The following MRPL3 variants were observed in gnomAD, a reference collection of about 807,000 sequenced individuals.
MRPL3 encodes the protein large ribosomal subunit protein uL3m.
In MRPL3, 43 loss-of-function variants were observed where a neutral mutation model predicts 44.3. That is an observed-to-expected ratio of 0.97 (90% CI 0.76 to 1.25). The LOEUF is 1.25. Ranked by LOEUF, MRPL3 falls within the 50% of genes most tolerant of loss-of-function variation. The pLI is 0.00. For synonymous variants in MRPL3, 171 were observed against 152.3 expected, an observed-to-expected ratio of 1.12 and a Z score of -0.91; for missense variants, 406 against 427.6, an observed-to-expected ratio of 0.95 and a Z score of 0.45.
At chr3:131,479,913 T>C (rs1290744566) in intron 6 of MRPL3, among the ~76,000 whole-genome samples, 3 of 151,966 alleles carry the variant, frequency 2.0e-5, no homozygotes, top group Non-Finnish European at 4.4e-5. Context: ...GCAAAATGTC[T>C]AAATCAACAT....
chr3:131,479,291 C>A (rs1559820176), intron 6 of MRPL3: 4 of 400,686 alleles, frequency 1.0e-5, no homozygotes, highest in Non-Finnish European at 2.0e-5. Context: ...GTGACTTGTA[C>A]ATATATCACT....
At chr3:131,485,782 C>G (rs1176991543) in intron 6 of MRPL3, among the ~76,000 whole-genome samples, 1 of 152,110 alleles carries the variant, frequency 6.6e-6, no homozygotes, top group African/African-American at 2.4e-5. Flanking sequence ...TTGCAATGAC[C>G]TATATTTGAA....
At chr3:131,477,865 C>T (rs948722706) in intron 6 of MRPL3, among the ~76,000 whole-genome samples, 4 of 152,178 alleles carry the variant, frequency 2.6e-5, no homozygotes, top group Admixed American at 1.3e-4. Flanking sequence ...TACCCCTTAA[C>T]GTCCCGCTCC....
In MRPL3 at chr3:131,469,706, T is replaced by C. The variant is rs558570864; in HGVS notation, c.806A>G (p.Tyr269Cys). ...ACTTGTAACACTTACTTTCAGTCCA[T>C]ATTCTGTCCTGTATATGTTTCCCAT... ...GKMGNIYRTE[Y>C]GLKVWRINTK... Residue 269 changes from tyrosine (Y) to cysteine (C), a missense_variant, in exon 8 of 10, where the codon TAT becomes TGT. Physicochemically the swap from Tyr to Cys is radical, Grantham distance 194 (BLOSUM62 -2). Coordinates refer to ENST00000264995, the MANE Select transcript of MRPL3 (RefSeq NM_007208.4). 1.7e-5 allele frequency: 27 copies of C among 1,610,486 alleles called. No individual in the cohort carries two copies. In the East Asian group the frequency reaches 5.6e-4, roughly 33 times the overall value.
intron 9 of MRPL3, among the ~76,000 whole-genome samples, chr3:131,467,247 C>G (rs1322344094): frequency 1.3e-5 from 1 of 75,156 alleles, no homozygotes; most frequent in Non-Finnish European, 4.6e-5. Flanking sequence ...CGCGCACACA[C>G]ACACACATAC....
chr3:131,487,713 C>A lies in MRPL3; in HGVS notation c.596G>T (p.Arg199Leu). 6.2e-7 allele frequency: 1 copy of A among 1,611,042 alleles called. No individual in the cohort carries two copies. The highest frequency in any genetic ancestry group is 8.5e-7 in the Non-Finnish European group (1 of 1,179,250). Residue 199 changes from arginine to leucine, a missense_variant, in exon 6 of 10, where the codon CGT becomes CTT. Arg to Leu is a moderately radical substitution (Grantham distance 102). Transcript: ENST00000264995. Reference sequence around the variant, plus strand: ...TGTGACATCCACATACTGTCCTGGACGAAAGTGAGCAGCATAAAGAGGAGT... The same window carrying A: ...TGTGACATCCACATACTGTCCTGGAAGAAAGTGAGCAGCATAAAGAGGAGT... ...PGTPLYAAHF[R>L]PGQYVDVTAK... is the part of the protein sequence containing the mutation.
chr3:131,470,959 C>T (rs1933728853), intron 7 of MRPL3, among the ~76,000 whole-genome samples: 2 of 152,116 alleles, frequency 1.3e-5, no homozygotes, highest in Admixed American at 1.3e-4. Flanking sequence ...AGCCAAACTA[C>T]AGATGCTCAG....
intron 1 of MRPL3, 134 bp from the exon 2 acceptor site, chr3:131,501,849 T>A: frequency 6.4e-7 from 1 of 1,560,954 alleles, no homozygotes; most frequent in Non-Finnish European, 8.6e-7. Context: ...TATACCTTTT[T>A]TTCAGGTCTC....
intron 5 of MRPL3, 24 bp downstream of exon 5, chr3:131,489,957 C>G (rs1934214670): frequency 6.7e-7 from 1 of 1,482,038 alleles, no homozygotes; most frequent in Non-Finnish European, 9.4e-7. Context: ...TTTTACCTCC[C>G]TCCTCTCCCC....
chr3:131,492,142 T>C (rs1431461489), intron 4 of MRPL3, among the ~76,000 whole-genome samples: 1 of 152,156 alleles, frequency 6.6e-6, no homozygotes, highest in African/African-American at 2.4e-5. Context: ...AAATATCAAC[T>C]TACCTTGTCT....
intron 6 of MRPL3, among the ~76,000 whole-genome samples, chr3:131,474,765 ATTTTTTT>A (rs372689423): frequency 4.4e-4 from 61 of 137,882 alleles, no homozygotes; most frequent in African/African-American, 1.5e-3. Flanking sequence ...AGACTTTTTA[ATTTTTTT>A]TTTTTTTTTT....
At chr3:131,491,021 T>C (rs1306017493) in intron 4 of MRPL3, among the ~76,000 whole-genome samples, 1 of 152,230 alleles carries the variant, frequency 6.6e-6, no homozygotes, top group Non-Finnish European at 1.5e-5. Context: ...TTCATTTTTT[T>C]CCCCTTTCTA....
At chr3:131,478,708 A>ATTTTTTTTTTTTTT (rs68160977) in intron 6 of MRPL3, among the ~76,000 whole-genome samples, 1 of 135,788 alleles carries the variant, frequency 7.4e-6, no homozygotes. Flanking sequence ...GAAATATTCG[A>ATTTTTTTTTTTTTT]TTTTTTTTTT....
intron 6 of MRPL3, among the ~76,000 whole-genome samples, chr3:131,473,079 A>G (rs1370371759): frequency 1.3e-5 from 2 of 152,214 alleles, no homozygotes; most frequent in Non-Finnish European, 2.9e-5. Flanking sequence ...TTCATATGGA[A>G]CCACAAAAGA....
At chr3:131,471,068 G>A in intron 7 of MRPL3, 103 bp downstream of exon 7, 1 of 786,712 alleles carries the variant, frequency 1.3e-6, no homozygotes, top group Non-Finnish European at 2.2e-6. Context: ...GTCCCCTTGT[G>A]TCAGACTAAA....
At chr3:131,494,974 T>C (rs912566641) in intron 4 of MRPL3, among the ~76,000 whole-genome samples, 6 of 152,164 alleles carry the variant, frequency 3.9e-5, no homozygotes, top group African/African-American at 1.2e-4. Flanking sequence ...CTAAGATGAA[T>C]TGATTTAATC....
chr3:131,501,507 G>A (rs1934496209), intron 2 of MRPL3, 24 bp downstream of exon 2: 1 of 1,577,984 alleles, frequency 6.3e-7, no homozygotes, highest in African/African-American at 1.4e-5. Context: ...GGAAATGAGA[G>A]CTCATCAAAT....
chr3:131,496,403 T>C (rs1434430616), intron 4 of MRPL3, among the ~76,000 whole-genome samples: 1 of 152,200 alleles, frequency 6.6e-6, no homozygotes, highest in Non-Finnish European at 1.5e-5. Context: ...GAAAAATAAA[T>C]GGAGTATGCT....
intron 9 of MRPL3, among the ~76,000 whole-genome samples, chr3:131,467,012 T>G (rs1367572360): frequency 2.0e-5 from 3 of 152,118 alleles, no homozygotes; most frequent in African/African-American, 7.2e-5. Context: ...TCCCCCAGCC[T>G]CTGGTAAAAC....
Sources: gnomAD v4.1 joint callset for allele counts (sites outside exome capture counted in the v4.1 genomes callset) on GRCh38, gnomAD v4.1.1 for gene constraint, MANE v1.5 for transcripts, NCBI Gene and HGNC (gene_info 2026-07-23, HGNC 2026-07-21) for gene names.